The following GLDC variants were observed in gnomAD, a reference collection of about 807,000 sequenced individuals.
The protein encoded by GLDC is glycine dehydrogenase (decarboxylating), mitochondrial.
In GLDC, 104 loss-of-function variants were observed where a neutral mutation model predicts 121.3. The observed-to-expected ratio is 0.86, with a 90% confidence interval of 0.73 to 1.01. The LOEUF (loss-of-function observed/expected upper bound fraction) is 1.01. Among genes scored for constraint, GLDC ranks in the 50% least tolerant of loss-of-function variants. The pLI is 0.00. For synonymous variants in GLDC, 546 were observed against 480.6 expected (o/e 1.14, Z -1.78); for missense variants, 1,429 against 1,306.6 (o/e 1.09, Z -1.44).
At chr9:6,591,396 C>G (rs80096669) in intron 11 of GLDC, among the ~76,000 whole-genome samples, 3,841 of 152,212 alleles carry the variant, frequency 0.025, 122 homozygotes, top group African/African-American at 0.071. Flanking sequence ...ATCTGAATCC[C>G]TAATAAACTG....
At chr9:6,586,458 C>G (rs975870805) in intron 15 of GLDC, among the ~76,000 whole-genome samples, 14 of 152,160 alleles carry the variant, frequency 9.2e-5, no homozygotes, top group African/African-American at 3.1e-4. Context: ...TGTTCTTCTT[C>G]AAAGTCTTTC....
chr9:6,570,770 C>G (rs950447318), intron 15 of GLDC, among the ~76,000 whole-genome samples: 4 of 148,818 alleles, frequency 2.7e-5, no homozygotes, highest in Non-Finnish European at 1.5e-5. Context: ...AAGAGAATCA[C>G]TTGAACCCAG....
intron 8 of GLDC, among the ~76,000 whole-genome samples, chr9:6,595,786 G>C (rs912917732): frequency 1.2e-4 from 19 of 152,066 alleles, no homozygotes; most frequent in African/African-American, 4.6e-4. Flanking sequence ...CTATGATTGC[G>C]CCACTGGACT....
chr9:6,603,697 T>A (rs1387639554), intron 7 of GLDC, among the ~76,000 whole-genome samples: 2 of 151,832 alleles, frequency 1.3e-5, no homozygotes, highest in Non-Finnish European at 2.9e-5. Flanking sequence ...AATCCTGGAA[T>A]GCATCTAGGT....
chr9:6,607,719 C>T (rs1182255415), intron 4 of GLDC, among the ~76,000 whole-genome samples: 1 of 152,026 alleles, frequency 6.6e-6, no homozygotes, highest in Non-Finnish European at 1.5e-5. Flanking sequence ...TCACAGCTCA[C>T]TGCAACCTCG....
At chr9:6,597,344 G>A (rs1156720930) in intron 8 of GLDC, among the ~76,000 whole-genome samples, 1 of 152,114 alleles carries the variant, frequency 6.6e-6, no homozygotes, top group Non-Finnish European at 1.5e-5. Context: ...CCATTGAGCT[G>A]TATACTTGCA....
chr9:6,596,461 C>T (rs1563853042), intron 8 of GLDC, among the ~76,000 whole-genome samples: 4 of 152,138 alleles, frequency 2.6e-5, no homozygotes, highest in African/African-American at 4.8e-5. Context: ...ATACAAAGGG[C>T]TTGAATCAGT....
chr9:6,617,107 G>A (rs1355183769), intron 3 of GLDC, among the ~76,000 whole-genome samples: 2 of 152,034 alleles, frequency 1.3e-5, no homozygotes, highest in African/African-American at 2.4e-5. Flanking sequence ...TCACGTCTCC[G>A]GAATTTGTTG....
At chr9:6,561,564 A>C (rs1817760544) in intron 16 of GLDC, among the ~76,000 whole-genome samples, 1 of 152,144 alleles carries the variant, frequency 6.6e-6, no homozygotes. Flanking sequence ...CATGAGAATC[A>C]CTTGAACCCG....
intron 2 of GLDC, among the ~76,000 whole-genome samples, chr9:6,626,420 T>C (rs1464726568): frequency 1.3e-5 from 2 of 152,196 alleles, no homozygotes; most frequent in Non-Finnish European, 2.9e-5. Flanking sequence ...CTCAATTGAA[T>C]GGGAGTATTG....
intron 18 of GLDC, among the ~76,000 whole-genome samples, chr9:6,555,563 G>A (rs959072637): frequency 5.3e-5 from 8 of 152,022 alleles, no homozygotes; most frequent in African/African-American, 1.7e-4. Flanking sequence ...GAGCTCAGGA[G>A]TTCAAGACCA....
At chr9:6,620,461 C>T (rs1819068810) in intron 2 of GLDC, 142 bp from the exon 3 acceptor site, 5 of 730,906 alleles carry the variant, frequency 6.8e-6, no homozygotes, top group Non-Finnish European at 4.8e-6. Flanking sequence ...CCAACCAACA[C>T]TAAGTACTGT....
At chr9:6,579,549 G>C (rs903524878) in intron 15 of GLDC, among the ~76,000 whole-genome samples, 2 of 151,802 alleles carry the variant, frequency 1.3e-5, no homozygotes, top group Non-Finnish European at 1.5e-5. Context: ...TTTGTAGATG[G>C]GGTCTTACTA....
chr9:6,541,204 C>G (rs1817250868), intron 21 of GLDC: 1 of 152,158 alleles, frequency 6.6e-6, no homozygotes, highest in South Asian at 2.1e-4. Flanking sequence ...CAGTAGCTCC[C>G]CAGAATGAGC....
chr9:6,610,404 A>T, intron 3 of GLDC, 48 bp from the exon 4 acceptor site: 1 of 1,587,180 alleles, frequency 6.3e-7, no homozygotes, highest in Non-Finnish European at 8.6e-7. Context: ...CTGTTTAGAG[A>T]AGCACACAAA....
intron 2 of GLDC, among the ~76,000 whole-genome samples, chr9:6,628,664 C>A (rs765462481): frequency 1.6e-4 from 24 of 152,164 alleles, no homozygotes; most frequent in Non-Finnish European, 2.9e-4. Context: ...TTGCTTGAGC[C>A]TGGGAGGTGG....
chr9:6,567,950 T>C (rs939708946), intron 15 of GLDC, among the ~76,000 whole-genome samples: 9 of 152,218 alleles, frequency 5.9e-5, no homozygotes, highest in African/African-American at 1.7e-4. Context: ...ATTTTAAAAA[T>C]TGAATTCCTC....
intron 22 of GLDC, among the ~76,000 whole-genome samples, chr9:6,539,520 T>C (rs1328712598): frequency 1.3e-5 from 2 of 152,144 alleles, no homozygotes; most frequent in African/African-American, 4.8e-5. Flanking sequence ...TATTTTAATA[T>C]TAATAACATT....
At chr9:6,628,867 G>T (rs1819303575) in intron 2 of GLDC, among the ~76,000 whole-genome samples, 1 of 152,156 alleles carries the variant, frequency 6.6e-6, no homozygotes, top group Non-Finnish European at 1.5e-5. Context: ...AATCCTTCAG[G>T]AACCTACACA....
Sources: allele counts gnomAD v4.1 joint callset (sites outside exome capture counted in the v4.1 genomes callset), GRCh38; gene constraint gnomAD v4.1.1; transcripts MANE v1.5; gene names NCBI Gene and HGNC (gene_info 2026-07-23, HGNC 2026-07-21).